The following ASXL1 variants were observed in gnomAD, a reference collection of about 807,000 sequenced individuals.
ASXL1 encodes polycomb group protein ASXL1.
In ASXL1, 65 loss-of-function variants were observed where a neutral mutation model predicts 89.1. That is an observed-to-expected ratio of 0.73 (90% CI 0.60 to 0.90). The LOEUF is 0.90. Among genes scored for constraint, ASXL1 ranks in the 40% least tolerant of loss-of-function variants. The pLI is 0.00. For missense variants in ASXL1, 1,786 were observed against 1,942.9 expected (o/e 0.92, Z 1.52); for synonymous variants, 739 against 746.9 (o/e 0.99, Z 0.17).
chr20:32,422,458 A>G (rs532260135), intron 4 of ASXL1, among the ~76,000 whole-genome samples: 2 of 144,098 alleles, frequency 1.4e-5, no homozygotes, highest in Non-Finnish European at 3.0e-5. Context: ...ACCATCTAGT[A>G]TGCAGTTCAC....
chr20:32,376,843 TGATA>T (rs1021020320), intron 4 of ASXL1, among the ~76,000 whole-genome samples: 22 of 143,942 alleles, frequency 1.5e-4, no homozygotes, highest in African/African-American at 2.5e-4. Context: ...ATAAATATCA[TGATA>T]GATATATAAT....
chr20:32,367,577 G>T lies in ASXL1; in HGVS notation c.141-150G>T. On this transcript the variant is annotated intron_variant, in intron 2 of 12. Transcript: ENST00000375687. ...AAACGTTCTCAAGTTGATGTTTTGT[G>T]GGGAGGGAAGATTGAGATTGTCTAC... 6.0e-6 allele frequency: 4 copies of T among 671,716 alleles called. No individual in the cohort carries two copies. In the East Asian group the frequency reaches 1.0e-4, roughly 17 times the overall value. The allele number at this position is 671,716 out of a possible 1,614,324, so 41.6% of individuals were successfully genotyped here.
At chr20:32,411,469 C>T (rs1051337835) in intron 4 of ASXL1, among the ~76,000 whole-genome samples, 12 of 150,494 alleles carry the variant, frequency 8.0e-5, no homozygotes, top group African/African-American at 2.9e-4. Context: ...CTCAAGCGAT[C>T]CACCCGCCTC....
intron 4 of ASXL1, among the ~76,000 whole-genome samples, chr20:32,388,628 A>G (rs1370557562): frequency 6.6e-6 from 1 of 152,196 alleles, no homozygotes; most frequent in Non-Finnish European, 1.5e-5. Context: ...CCTTTTAAAT[A>G]TACATTGCTG....
At chr20:32,433,059 A>T in intron 11 of ASXL1, 74 bp downstream of exon 11, 1 of 1,590,330 alleles carries the variant, frequency 6.3e-7, no homozygotes, top group Non-Finnish European at 8.5e-7. Flanking sequence ...AAAATAGCAT[A>T]TACTTATGTG....
At chr20:32,431,773 C>A in intron 10 of ASXL1, 94 bp downstream of exon 10, 1 of 1,307,566 alleles carries the variant, frequency 7.6e-7, no homozygotes, top group African/African-American at 1.4e-5. Flanking sequence ...TCGCTCTTCT[C>A]AAAGGGTTAT....
rs147154256 is a variant in ASXL1, at chr20:32,361,961, C to T, written c.57+3129C>T. ...GTGCATGCCTGTAACCTCAGCTACT[C>T]GGGAGGCTGAGGCAGGAGAATCACT... is the stretch of plus-strand genomic sequence containing the variant. On this transcript the variant is annotated intron_variant, in intron 1 of 12. Transcript: ENST00000375687. 5.2e-3 allele frequency among the ~76,000 whole-genome samples: 778 copies of T among 150,268 alleles called. 5 individuals carry two copies. The highest frequency in any genetic ancestry group is 0.015 in the African/African-American group (613 of 40,976).
intron 4 of ASXL1, among the ~76,000 whole-genome samples, chr20:32,402,991 G>T (rs2048900534): frequency 6.6e-6 from 1 of 151,832 alleles, no homozygotes; most frequent in South Asian, 2.1e-4. Context: ...AGCACTCTTT[G>T]GCTAACAAAA....
rs1014372390 is a variant in ASXL1, at chr20:32,426,541, C to CTTTTTTTTTTTTTTTTTTTTT, written c.253-1579_253-1578insTTTTTTTTTTTTTTTTTTTTT. Among the ~76,000 whole-genome samples the CTTTTTTTTTTTTTTTTTTTTT allele has an allele frequency of 7.6e-5, 7 of 92,574 alleles. 1 individual carries two copies. Among genetic ancestry groups the CTTTTTTTTTTTTTTTTTTTTT allele is most frequent in the East Asian group, 1.1e-3 (2 of 1,878 alleles). 60.7% of individuals were successfully genotyped at this position (92,574 alleles called of 152,430 possible). A position where few individuals can be genotyped will look rare whatever the true frequency, so the allele number is the denominator to read the frequency against. ...AGGTAAAGATGTAGAAAACTGTTTT[C>CTTTTTTTTTTTTTTTTTTTTT]TTTTTTTTCTTTCTTTTTTTTTTTT... On this transcript the variant is annotated intron_variant, in intron 4 of 12. Coordinates refer to ENST00000375687, the MANE Select transcript of ASXL1 (RefSeq NM_015338.6).
At position 32,429,881 on chromosome 20, in the gene ASXL1, G is replaced by A. The variant is rs2123221484; in HGVS notation, c.566-20G>A. 4 of 1,606,562 alleles carry A rather than the reference G, an allele frequency of 2.5e-6. No homozygotes were observed. The highest frequency in any genetic ancestry group is 3.4e-6 in the Non-Finnish European group (4 of 1,179,418). Reference sequence around the variant, plus strand: ...CGCGGCTTGGTGATACTTTTGACCAGTGGAATGCTGTGCCTTCAGGGTTCT... The same window carrying A: ...CGCGGCTTGGTGATACTTTTGACCAATGGAATGCTGTGCCTTCAGGGTTCT... On this transcript the variant is annotated intron_variant, in intron 7 of 12. Coordinates refer to ENST00000375687, the MANE Select transcript of ASXL1 (RefSeq NM_015338.6). The surrounding 1 kb of genome is among the most constrained non-coding windows in gnomAD (Gnocchi z 4.9).
Position 32,358,740 on chromosome 20 carries a change from T to TG in ASXL1, c.-36_-35insG. ...CGCCCCAGCCCGCCCAGCCCGGAGG[T>TG]CCCGCGTGGAGCTGCCGCCGCCGCC... On this transcript the variant is annotated 5_prime_UTR_variant, in exon 1 of 13. Coordinates refer to ENST00000375687, the MANE Select transcript of ASXL1 (RefSeq NM_015338.6). 2 of 1,120,296 alleles carry TG rather than the reference T, an allele frequency of 1.8e-6. No individual in the cohort carries two copies. Among genetic ancestry groups the TG allele is most frequent in the Non-Finnish European group, 2.4e-6 (2 of 827,692 alleles). 69.4% of individuals were successfully genotyped at this position (1,120,296 alleles called of 1,614,324 possible).
intron 4 of ASXL1, among the ~76,000 whole-genome samples, chr20:32,385,727 G>T (rs977511060): frequency 6.6e-6 from 1 of 151,530 alleles, no homozygotes; most frequent in African/African-American, 2.4e-5. Flanking sequence ...CTTTCACTTC[G>T]CCCCCTTACG....
intron 4 of ASXL1, among the ~76,000 whole-genome samples, chr20:32,400,390 G>A (rs1035745582): frequency 1.3e-5 from 2 of 152,126 alleles, no homozygotes; most frequent in Non-Finnish European, 2.9e-5. Flanking sequence ...GAAAACCGTT[G>A]ATTCCTTTAG....
chr20:32,368,106 A>T (rs2048236639), intron 3 of ASXL1, among the ~76,000 whole-genome samples: 1 of 152,188 alleles, frequency 6.6e-6, no homozygotes, highest in South Asian at 2.1e-4. Context: ...GTTCTGAAAA[A>T]TGCAAAGAGG....
intron 4 of ASXL1, among the ~76,000 whole-genome samples, chr20:32,418,955 T>TG (rs141589246): frequency 0.021 from 3,197 of 150,962 alleles, 114 homozygotes; most frequent in African/African-American, 0.074. Context: ...GCCTTAGCCT[T>TG]GCGAGTAGCT....
In ASXL1 at chr20:32,375,872, G is replaced by A. The variant is rs192718560; in HGVS notation, c.252+6749G>A. Reference sequence around the variant, plus strand: ...AATTTTTGTATTTTTAATAGAGATGGGGTTTTGTCATGTTGCCCAGGCTGG... The same window carrying A: ...AATTTTTGTATTTTTAATAGAGATGAGGTTTTGTCATGTTGCCCAGGCTGG... On this transcript the variant is annotated intron_variant, in intron 4 of 12. Transcript: ENST00000375687. Among the ~76,000 whole-genome samples the A allele has an allele frequency of 9.4e-3, 1,423 of 152,132 alleles. 12 individuals are homozygous for A. The highest frequency in any genetic ancestry group is 0.014 in the Non-Finnish European group (984 of 67,998).
intron 4 of ASXL1, among the ~76,000 whole-genome samples, chr20:32,387,772 C>T (rs2048604170): frequency 6.6e-6 from 1 of 152,168 alleles, no homozygotes; most frequent in African/African-American, 2.4e-5. Context: ...GTTATATCCC[C>T]ATCCTGGATA....
At chr20:32,372,329 G>T in intron 4 of ASXL1, 1 of 1,181,144 alleles carries the variant, frequency 8.5e-7, no homozygotes, top group Non-Finnish European at 1.1e-6. Context: ...AACTGCCTTT[G>T]GCTTTATGTT....
At chr20:32,359,211 G>T in intron 1 of ASXL1, 1 of 699,748 alleles carries the variant, frequency 1.4e-6, no homozygotes, top group East Asian at 2.7e-5. Flanking sequence ...TTCCGGGAAG[G>T]GTCGGAAGCT....
Sources: allele counts gnomAD v4.1 joint callset (sites outside exome capture counted in the v4.1 genomes callset), GRCh38; gene constraint gnomAD v4.1.1; non-coding constraint Gnocchi (gnomAD v3.1); transcripts MANE v1.5; gene names NCBI Gene and HGNC (gene_info 2026-07-23, HGNC 2026-07-21).